The following ERN1 variants were observed in gnomAD, a reference collection of about 807,000 sequenced individuals.
ERN1 encodes the protein endoplasmic reticulum to nucleus signaling 1.
In ERN1, 39 loss-of-function variants were observed where a neutral mutation model predicts 113.1. The observed-to-expected ratio is 0.34, with a 90% CI of 0.27 to 0.45. ERN1 has a LOEUF of 0.45. ERN1 is among the 20% of genes least tolerant of loss of function. ERN1 has a pLI of 1.00. For missense variants in ERN1, 976 were observed against 1,274.8 expected (o/e 0.77, Z 3.57); for synonymous variants, 507 against 515.9 (o/e 0.98, Z 0.23).
intron 1 of ERN1, among the ~76,000 whole-genome samples, chr17:64,100,364 G>A (rs898264542): frequency 2.0e-5 from 3 of 152,088 alleles, no homozygotes; most frequent in Admixed American, 6.5e-5. Flanking sequence ...GCCAAGAAGT[G>A]GAAATCCCTG....
chr17:64,123,501 C>A (rs190348218), intron 1 of ERN1, among the ~76,000 whole-genome samples: 4 of 152,262 alleles, frequency 2.6e-5, no homozygotes, highest in Admixed American at 1.3e-4. Context: ...AAAGTCTACG[C>A]TCCTAAAAGA....
In ERN1 at chr17:64,128,161, ATTTTT is replaced by A. The variant is rs760752335; in HGVS notation, c.54+1810_54+1814del. 4.4e-3 allele frequency among the ~76,000 whole-genome samples: 555 copies of A among 126,390 alleles called. 4 individuals are homozygous for A. Among genetic ancestry groups the A allele is most frequent in the African/African-American group, 0.017 (529 of 31,180 alleles). 82.9% of individuals were successfully genotyped at this position (126,390 alleles called of 152,430 possible). The stretch of plus-strand genomic sequence containing the variant: ...AGGCCTGCGCTACCACGCCCGGCTA[ATTTTT>A]TTTTTTTTTTTTTTTTGTATGTTTA... On this transcript the variant is annotated intron_variant, in intron 1 of 21. Transcript: ENST00000433197.
At chr17:64,074,546 T>G (rs757283188) in intron 5 of ERN1, among the ~76,000 whole-genome samples, 1 of 152,216 alleles carries the variant, frequency 6.6e-6, no homozygotes, top group African/African-American at 2.4e-5. Context: ...GAGGCATGAA[T>G]AGGCAATAAG....
At chr17:64,073,287 G>A (rs1210955896) in intron 5 of ERN1, among the ~76,000 whole-genome samples, 1 of 148,998 alleles carries the variant, frequency 6.7e-6, no homozygotes, top group African/African-American at 2.5e-5. Flanking sequence ...TCCTGCCTCA[G>A]CCTCCTGAGT....
chr17:64,044,163 T>G lies in ERN1; in HGVS notation c.2759A>C (p.Glu920Ala). Residue 920 changes from glutamate to alanine, a missense_variant, in exon 22 of 22, where the codon GAG (glutamate) becomes GCG (alanine). Transcript: ENST00000433197. This position sits in a 1 kb window ranked among gnomAD's most constrained non-coding sequence, Gnocchi z 4.1. The stretch of plus-strand genomic sequence containing the variant: ...GTCGTCGGGGAGGGACCCCAGCGTC[T>G]CCCGCACCTCTGCAGGCAGCTCCCG... The part of the protein sequence containing the change: ...HYRELPAEVR[E>A]TLGSLPDDFV... 3.8e-6 allele frequency: 6 copies of G among 1,586,870 alleles called. No homozygotes were observed. The highest frequency in any genetic ancestry group is 4.3e-6 in the Non-Finnish European group (5 of 1,162,926).
intron 2 of ERN1, among the ~76,000 whole-genome samples, chr17:64,096,042 C>A (rs1914220010): frequency 6.6e-6 from 1 of 152,182 alleles, no homozygotes; most frequent in Non-Finnish European, 1.5e-5. Context: ...AGATCATGGG[C>A]TTCTTGAGGA....
intron 4 of ERN1, 108 bp downstream of exon 4, chr17:64,079,554 T>G: frequency 1.2e-6 from 1 of 802,680 alleles, no homozygotes; most frequent in Non-Finnish European, 2.0e-6. Flanking sequence ...CCCCAGGGGT[T>G]GTTTTTAAAA....
In ERN1 at chr17:64,044,292, A is replaced by G; in HGVS notation, c.2722-92T>C. ...CACCCTTTCATCATGCAAGGAAGAGACAGAATGTGAGTGTTGGTTTTTGGT... is the reference window on the plus strand; with the variant it reads ...CACCCTTTCATCATGCAAGGAAGAGGCAGAATGTGAGTGTTGGTTTTTGGT... On this transcript the variant is annotated intron_variant, in intron 21 of 21. Coordinates refer to ENST00000433197, the MANE Select transcript of ERN1 (RefSeq NM_001433.5). The surrounding 1 kb of genome is among the most constrained non-coding windows in gnomAD (Gnocchi z 4.1). 1.1e-6 allele frequency: 1 copy of G among 891,814 alleles called. No individual in the cohort carries two copies. The allele number at this position is 891,814 out of a possible 1,614,324, so 55.2% of individuals were successfully genotyped here. A position where few individuals can be genotyped will look rare whatever the true frequency, so the allele number is the denominator to read the frequency against.
chr17:64,126,138 G>A (rs1012794619), intron 1 of ERN1, among the ~76,000 whole-genome samples: 10 of 152,050 alleles, frequency 6.6e-5, no homozygotes, highest in African/African-American at 2.4e-4. Flanking sequence ...CACAAACTGT[G>A]ATTCACCAGT....
intron 1 of ERN1, among the ~76,000 whole-genome samples, chr17:64,100,310 T>C (rs1454731377): frequency 6.6e-6 from 1 of 151,914 alleles, no homozygotes; most frequent in Non-Finnish European, 1.5e-5. Context: ...GGTGTGACAG[T>C]TTGGAGGATG....
chr17:64,106,879 C>T (rs1914546024), intron 1 of ERN1, among the ~76,000 whole-genome samples: 1 of 151,996 alleles, frequency 6.6e-6, no homozygotes, highest in African/African-American at 2.4e-5. Flanking sequence ...GGAAGAAGTA[C>T]CTCAAAATGG....
At chr17:64,125,808 T>C (rs533526833) in intron 1 of ERN1, among the ~76,000 whole-genome samples, 1 of 152,280 alleles carries the variant, frequency 6.6e-6, no homozygotes, top group East Asian at 1.9e-4. Context: ...AATGTTTTTT[T>C]ACATGGATGA....
intron 1 of ERN1, among the ~76,000 whole-genome samples, chr17:64,122,864 T>C (rs1158790713): frequency 6.6e-6 from 1 of 152,258 alleles, no homozygotes; most frequent in Non-Finnish European, 1.5e-5. Flanking sequence ...TAAATTTAAC[T>C]GGAAATTTTT....
Position 64,044,772 on chromosome 17 carries a change from TA to T in ERN1, c.2721+87del. On this transcript the variant is annotated intron_variant, in intron 21 of 21. Coordinates refer to ENST00000433197, the MANE Select transcript of ERN1 (RefSeq NM_001433.5). This position sits in a 1 kb window ranked among gnomAD's most constrained non-coding sequence, Gnocchi z 4.1. ...TGAGAGATGAGAATGCCAGTACAGATAAAAGATTTATAAAGAATGGATGAAA... is the reference window on the plus strand; with the variant it reads ...TGAGAGATGAGAATGCCAGTACAGATAAAGATTTATAAAGAATGGATGAAA... The T allele has an allele frequency of 1.1e-6, 1 of 939,196 alleles. No individual in the cohort carries two copies. The highest frequency in any genetic ancestry group is 1.7e-6 in the Non-Finnish European group (1 of 595,432). The allele number at this position is 939,196 out of a possible 1,614,324, so 58.2% of individuals were successfully genotyped here. A position where few individuals can be genotyped will look rare whatever the true frequency, so the allele number is the denominator to read the frequency against.
intron 1 of ERN1, among the ~76,000 whole-genome samples, chr17:64,102,136 A>C (rs1914401117): frequency 6.6e-6 from 1 of 152,136 alleles, no homozygotes; most frequent in Admixed American, 6.5e-5. Context: ...ATACTAAAAA[A>C]TCAGCCAGGC....
chr17:64,118,334 A>G (rs1475189029), intron 1 of ERN1, among the ~76,000 whole-genome samples: 2 of 152,236 alleles, frequency 1.3e-5, no homozygotes, highest in Non-Finnish European at 2.9e-5. Context: ...TGGGGCAAAC[A>G]CACATATAGA....
At position 64,043,760 on chromosome 17, in the gene ERN1, A is replaced by G; in HGVS notation, c.*228T>C. The stretch of plus-strand genomic sequence containing the variant: ...CCTCCTTTGCAGACATCATGACCGT[A>G]AGGCTTTTGGGGCCAGCATCTTCCC... On this transcript the variant is annotated 3_prime_UTR_variant, in exon 22 of 22. Coordinates refer to ENST00000433197, the MANE Select transcript of ERN1 (RefSeq NM_001433.5). The G allele has an allele frequency of 2.3e-6, 1 of 438,898 alleles. No homozygotes were observed. The highest frequency in any genetic ancestry group is 4.0e-6 in the Non-Finnish European group (1 of 248,336). The allele number at this position is 438,898 out of a possible 1,614,324, so 27.2% of individuals were successfully genotyped here. A position where few individuals can be genotyped will look rare whatever the true frequency, so the allele number is the denominator to read the frequency against.
rs1273485454 is a variant in ERN1, at chr17:64,042,539, T to C, written c.*1449A>G. 6.6e-6 allele frequency: 1 copy of C among 152,228 alleles called. No homozygotes were observed. Among genetic ancestry groups the C allele is most frequent in the East Asian group, 1.9e-4 (1 of 5,194 alleles). 9.4% of individuals were successfully genotyped at this position (152,228 alleles called of 1,614,324 possible). On this transcript the variant is annotated 3_prime_UTR_variant, in exon 22 of 22. Coordinates refer to ENST00000433197, the MANE Select transcript of ERN1 (RefSeq NM_001433.5). ...TGAGTTCACCAGGCCTGAGCTGCAA[T>C]GATCCCCCAACTGGCTGGAGAAAGT...
At chr17:64,090,146 T>C (rs558894251) in intron 2 of ERN1, among the ~76,000 whole-genome samples, 199 of 152,304 alleles carry the variant, frequency 1.3e-3, no homozygotes, top group African/African-American at 4.6e-3. Context: ...TCAAACATTC[T>C]TTACAGTTCA....
Sources: allele counts gnomAD v4.1 joint callset (sites outside exome capture counted in the v4.1 genomes callset), GRCh38; gene constraint gnomAD v4.1.1; non-coding constraint Gnocchi (gnomAD v3.1); transcripts MANE v1.5; gene names NCBI Gene and HGNC (gene_info 2026-07-23, HGNC 2026-07-21).